The following PPP4R1 variants were observed in gnomAD, a reference collection of about 807,000 sequenced individuals.
PPP4R1 encodes protein phosphatase 4 regulatory subunit 1, also known as serine/threonine-protein phosphatase 4 regulatory subunit 1.
In PPP4R1, 42 loss-of-function variants were observed where a neutral mutation model predicts 111.2. The observed-to-expected ratio is 0.38, with a 90% CI of 0.29 to 0.49. The LOEUF is 0.49. Among genes scored for constraint, PPP4R1 ranks in the 20% least tolerant of loss-of-function variants. PPP4R1 has a pLI of 0.97. For synonymous variants in PPP4R1, 409 were observed against 405.5 expected, an observed-to-expected ratio of 1.01 and a Z score of -0.10; for missense variants, 1,012 against 1,161.6, an observed-to-expected ratio of 0.87 and a Z score of 1.87.
At chr18:9,572,465 A>C (rs2066877063) in intron 10 of PPP4R1, among the ~76,000 whole-genome samples, 2 of 152,358 alleles carry the variant, frequency 1.3e-5, no homozygotes, top group African/African-American at 4.8e-5. Flanking sequence ...TCAAAAACAC[A>C]GCAAAACAGA....
At position 9,556,864 on chromosome 18, in the gene PPP4R1, G is replaced by A. The variant is rs183085548; in HGVS notation, c.2190+357C>T. The A allele has an allele frequency of 2.6e-3, 428 of 162,694 alleles. 3 individuals are homozygous for A. The highest frequency in any genetic ancestry group is 0.015 in the Middle Eastern group (5 of 338). The allele number at this position is 162,694 out of a possible 1,614,324, so 10.1% of individuals were successfully genotyped here. On this transcript the variant is annotated intron_variant, in intron 15 of 19. Transcript: ENST00000400556. ...CACGGAGGGCAGACTTTTCCTATAC[G>A]CAGGTTCCACAGGAGTACTCCATGG...
In PPP4R1 at chr18:9,614,394, C is replaced by T. The variant is rs1252877987; in HGVS notation, c.7+84G>A. Reference sequence around the variant, plus strand: ...CCGCGCCGGGACCCCACGCCGGCCCCGGCCCGGCAGCCACTCAGGGCTGCG... The same window carrying T: ...CCGCGCCGGGACCCCACGCCGGCCCTGGCCCGGCAGCCACTCAGGGCTGCG... On this transcript the variant is annotated intron_variant, in intron 1 of 19. Coordinates refer to ENST00000400556, the MANE Select transcript of PPP4R1 (RefSeq NM_001042388.3). The surrounding 1 kb of genome is among the most constrained non-coding windows in gnomAD (Gnocchi z 4.1). 2 of 1,017,798 alleles carry T rather than the reference C, an allele frequency of 2.0e-6. No homozygotes were observed. Among genetic ancestry groups the T allele is most frequent in the Non-Finnish European group, 2.4e-6 (2 of 849,764 alleles). 63.0% of individuals were successfully genotyped at this position (1,017,798 alleles called of 1,614,324 possible). A position where few individuals can be genotyped will look rare whatever the true frequency, so the allele number is the denominator to read the frequency against.
intron 9 of PPP4R1, among the ~76,000 whole-genome samples, chr18:9,577,616 G>A (rs1043554771): frequency 2.6e-5 from 4 of 152,084 alleles, no homozygotes; most frequent in Admixed American, 1.3e-4. Flanking sequence ...GTAGTGAGCC[G>A]TGATCACACC....
At chr18:9,563,238 C>CGAAGTGTG in intron 12 of PPP4R1, 140 bp downstream of exon 12, 32 of 1,257,264 alleles carry the variant, frequency 2.5e-5, no homozygotes, top group Non-Finnish European at 3.3e-5. Flanking sequence ...AAAACAATTA[C>CGAAGTGTG]TTTATGCAAA....
intron 2 of PPP4R1, among the ~76,000 whole-genome samples, chr18:9,612,134 A>G (rs1406623744): frequency 1.3e-5 from 2 of 152,190 alleles, no homozygotes; most frequent in Non-Finnish European, 2.9e-5. Context: ...CTCTTTTCTC[A>G]TAACAGCAAA....
intron 2 of PPP4R1, among the ~76,000 whole-genome samples, chr18:9,598,897 G>A (rs1210590641): frequency 2.0e-5 from 3 of 152,024 alleles, no homozygotes; most frequent in African/African-American, 7.3e-5. Context: ...ATGGTGGCGT[G>A]CACCTGCAGT....
chr18:9,554,407 G>A (rs1022624209), intron 15 of PPP4R1, among the ~76,000 whole-genome samples: 3 of 151,982 alleles, frequency 2.0e-5, no homozygotes, highest in African/African-American at 7.2e-5. Flanking sequence ...GGGATTACAG[G>A]TGTGAGCCAC....
intron 4 of PPP4R1, among the ~76,000 whole-genome samples, chr18:9,590,863 C>T (rs531769032): frequency 4.0e-4 from 61 of 152,198 alleles, no homozygotes; most frequent in African/African-American, 1.3e-3. Context: ...AAGACACAAA[C>T]GGCATGACCC....
chr18:9,603,538 G>A (rs971795757), intron 2 of PPP4R1, among the ~76,000 whole-genome samples: 3 of 152,010 alleles, frequency 2.0e-5, no homozygotes, highest in Non-Finnish European at 2.9e-5. Flanking sequence ...TTGAGAGAGA[G>A]TCTCATGTGA....
At chr18:9,602,351 G>A (rs2067399009) in intron 2 of PPP4R1, among the ~76,000 whole-genome samples, 2 of 125,958 alleles carry the variant, frequency 1.6e-5, no homozygotes, top group Non-Finnish European at 3.2e-5. Flanking sequence ...TTAACATGGT[G>A]AAACCCCATC....
At chr18:9,552,856 A>G (rs2066511313) in intron 16 of PPP4R1, among the ~76,000 whole-genome samples, 1 of 152,222 alleles carries the variant, frequency 6.6e-6, no homozygotes, top group Non-Finnish European at 1.5e-5. Flanking sequence ...AGGATACAAT[A>G]TGGAGGACAA....
chr18:9,576,109 C>A (rs2066931700), intron 10 of PPP4R1, among the ~76,000 whole-genome samples: 1 of 152,082 alleles, frequency 6.6e-6, no homozygotes, highest in Non-Finnish European at 1.5e-5. Flanking sequence ...TTCAGCAGGA[C>A]AGTAGGAGAA....
In PPP4R1 at chr18:9,583,232, A is replaced by G; in HGVS notation, c.803T>C (p.Val268Ala). Residue 268 changes from valine to alanine, a missense_variant, in exon 9 of 20, where the codon GTC (valine) becomes GCC (alanine). Physicochemically the swap from Val to Ala is moderately conservative, Grantham distance 64. Coordinates refer to ENST00000400556, the MANE Select transcript of PPP4R1 (RefSeq NM_001042388.3). Reference protein sequence around the residue: ...FQLCSDNVWGVRKACAECFMA... With the variant: ...FQLCSDNVWGARKACAECFMA... ...GAAGCATTCAGCACAAGCCTTTCGG[A>G]CTCCCCATACATTATCAGAACAAAG... The G allele has an allele frequency of 6.2e-7, 1 of 1,606,876 alleles. No homozygotes were observed. The highest frequency in any genetic ancestry group is 8.5e-7 in the Non-Finnish European group (1 of 1,175,068).
chr18:9,590,988 G>C (rs2067201761), intron 4 of PPP4R1, among the ~76,000 whole-genome samples: 1 of 152,090 alleles, frequency 6.6e-6, no homozygotes, highest in Admixed American at 6.5e-5. Context: ...TATGCAGAAT[G>C]AATTCCTGTA....
At chr18:9,550,516 C>T in intron 16 of PPP4R1, 118 bp from the exon 17 acceptor site, 1 of 1,191,326 alleles carries the variant, frequency 8.4e-7, no homozygotes, top group South Asian at 1.5e-5. Context: ...CAAACATACG[C>T]AAAGAGGAGT....
At chr18:9,576,705 C>T (rs538619830) in intron 10 of PPP4R1, among the ~76,000 whole-genome samples, 6 of 152,042 alleles carry the variant, frequency 3.9e-5, no homozygotes, top group East Asian at 1.9e-4. Context: ...AAATACTACA[C>T]AGTGTGTAAC....
intron 2 of PPP4R1, among the ~76,000 whole-genome samples, chr18:9,599,482 AAC>A (rs2067344997): frequency 6.6e-6 from 1 of 152,226 alleles, no homozygotes; most frequent in African/African-American, 2.4e-5. Flanking sequence ...AAGAGATTTA[AAC>A]ACAACCATAT....
At position 9,583,269 on chromosome 18, in the gene PPP4R1, T is replaced by C. The variant is rs544270285; in HGVS notation, c.766A>G (p.Arg256Gly). Residue 256 changes from arginine to glycine, a missense_variant, in exon 9 of 20, where the codon AGA (arginine) becomes GGA (glycine). Around this residue, in one of 2 missense-constraint regions of PPP4R1, gnomAD observed 707 missense variants for 742.1 expected, o/e 0.95. Coordinates refer to ENST00000400556, the MANE Select transcript of PPP4R1 (RefSeq NM_001042388.3). Reference protein sequence around the residue: ...QQATEEMLLPRFFQLCSDNVW... With the variant: ...QQATEEMLLPGFFQLCSDNVW... ...TTATCAGAACAAAGCTGGAAAAATC[T>C]GGGCAGCTATGTGAAAAGGAAAGAG... is the stretch of plus-strand genomic sequence containing the variant. 4 of 1,561,412 alleles carry C rather than the reference T, an allele frequency of 2.6e-6. No homozygotes were observed. In the South Asian group the frequency reaches 3.6e-5, roughly 14 times the overall value.
At chr18:9,577,453 C>T (rs2145155447) in intron 9 of PPP4R1, among the ~76,000 whole-genome samples, 1 of 152,238 alleles carries the variant, frequency 6.6e-6, no homozygotes, top group East Asian at 1.9e-4. Flanking sequence ...TCGCTTGAGT[C>T]CAGCAGTTTG....
Sources: gnomAD v4.1 joint callset for allele counts (sites outside exome capture counted in the v4.1 genomes callset) on GRCh38, gnomAD v4.1.1 for gene constraint, gnomAD v4.1.1 regional missense constraint, Gnocchi (gnomAD v3.1) non-coding constraint, MANE v1.5 for transcripts, NCBI Gene and HGNC (gene_info 2026-07-23, HGNC 2026-07-21) for gene names.